TUSC3: variants seen among roughly 807,000 people sequenced by gnomAD.
TUSC3 encodes the protein tumor suppressor candidate 3, also known as dolichyl-diphosphooligosaccharide--protein glycosyltransferase subunit TUSC3.
A neutral mutation model predicts 44.8 loss-of-function variants in TUSC3; 45 were observed. The observed-to-expected ratio is 1.00, with a 90% confidence interval of 0.79 to 1.29. The LOEUF (loss-of-function observed/expected upper bound fraction) is 1.29. Ranked by LOEUF, TUSC3 falls within the 50% of genes most tolerant of loss-of-function variation. The pLI, the probability that TUSC3 is intolerant of heterozygous loss-of-function variation, is 0.00. For synonymous variants in TUSC3, 212 were observed against 152.9 expected (o/e 1.39, Z -2.85); for missense variants, 519 against 437.9 (o/e 1.19, Z -1.65).
At chr8:15,446,837 G>A (rs538910513) in intron 1 of TUSC3, among the ~76,000 whole-genome samples, 32 of 151,324 alleles carry the variant, frequency 2.1e-4, no homozygotes, top group Admixed American at 6.6e-4. Flanking sequence ...AGGAGAGGCA[G>A]AAGTTCATGT....
intron 2 of TUSC3, among the ~76,000 whole-genome samples, chr8:15,647,279 A>G (rs940479533): frequency 3.3e-5 from 5 of 152,130 alleles, no homozygotes; most frequent in African/African-American, 1.2e-4. Context: ...ATTGTTGATA[A>G]CCCCTGACCC....
chr8:15,549,144 T>G (rs574629606), intron 1 of TUSC3, among the ~76,000 whole-genome samples: 1 of 151,944 alleles, frequency 6.6e-6, no homozygotes, highest in South Asian at 2.1e-4. Flanking sequence ...CAATGTGTTT[T>G]CTATATGAAT....
chr8:15,636,343 G>GT (rs1029699827), intron 2 of TUSC3, among the ~76,000 whole-genome samples: 7 of 152,096 alleles, frequency 4.6e-5, no homozygotes, highest in African/African-American at 9.7e-5. Context: ...GATAGCTGCT[G>GT]TTTTTTTAAT....
At chr8:15,428,340 G>A (rs878941165) in intron 1 of TUSC3, among the ~76,000 whole-genome samples, 2 of 151,876 alleles carry the variant, frequency 1.3e-5, no homozygotes, top group African/African-American at 2.4e-5. Context: ...TGGTGCATAT[G>A]TGCCACATTT....
chr8:15,763,115 A>G (rs2721226), intron 10 of TUSC3, among the ~76,000 whole-genome samples: 97,656 of 151,342 alleles, frequency 0.65, 31,940 homozygotes, highest in Non-Finnish European at 0.69. Context: ...TATAATATAC[A>G]CTGTATATTA....
chr8:15,512,855 T>G (rs1167276277), intron 2 of TUSC3, among the ~76,000 whole-genome samples: 5 of 121,776 alleles, frequency 4.1e-5, no homozygotes, highest in African/African-American at 1.9e-4. Context: ...TGTGTGTGTG[T>G]GTATATATAT....
chr8:15,506,919 T>C (rs372283774), intron 2 of TUSC3, among the ~76,000 whole-genome samples: 2 of 152,190 alleles, frequency 1.3e-5, no homozygotes, highest in South Asian at 2.1e-4. Context: ...GCATTTCCTG[T>C]CTTGGTCGGC....
chr8:15,517,522 CAAAAAAAAAAAAAAAA>C (rs71211049), intron 2 of TUSC3, among the ~76,000 whole-genome samples: 17 of 77,570 alleles, frequency 2.2e-4, no homozygotes, highest in East Asian at 1.1e-3. Context: ...TAGCGTGAGG[CAAAAAAAAAAAAAAAA>C]AAAAAAAAAA....
intron 1 of TUSC3, among the ~76,000 whole-genome samples, chr8:15,417,685 C>G (rs1799676330): frequency 6.6e-6 from 1 of 152,300 alleles, no homozygotes; most frequent in South Asian, 2.1e-4. Context: ...ATGCTGAGCA[C>G]TCATCACTGG....
At chr8:15,428,336 A>C (rs1483885097) in intron 1 of TUSC3, among the ~76,000 whole-genome samples, 1 of 151,886 alleles carries the variant, frequency 6.6e-6, no homozygotes. Context: ...TCCATGGTGC[A>C]TATGTGCCAC....
chr8:15,565,323 A>G (rs936172495), intron 1 of TUSC3, among the ~76,000 whole-genome samples: 1 of 152,048 alleles, frequency 6.6e-6, no homozygotes, highest in African/African-American at 2.4e-5. Flanking sequence ...ACTATTTTGG[A>G]TCTACCTGGC....
intron 1 of TUSC3, among the ~76,000 whole-genome samples, chr8:15,596,333 G>GAGT (rs1804064436): frequency 1.3e-5 from 2 of 152,194 alleles, no homozygotes; most frequent in South Asian, 4.1e-4. Context: ...TGCCGTGTAA[G>GAGT]AGTAGTACAG....
the TUSC3 span, among the ~76,000 whole-genome samples, chr8:15,819,941 T>C: frequency 6.6e-6 from 1 of 152,210 alleles, no homozygotes; most frequent in African/African-American, 2.4e-5. Context: ...TGGTCTAATC[T>C]CAGGCATATC....
chr8:15,431,361 C>T (rs1799871892), intron 1 of TUSC3, among the ~76,000 whole-genome samples: 5 of 151,532 alleles, frequency 3.3e-5, no homozygotes, highest in Non-Finnish European at 5.9e-5. Context: ...TTTATTTGAT[C>T]ATTGTTCTTT....
chr8:15,828,773 A>G, the TUSC3 span, among the ~76,000 whole-genome samples: 1 of 152,228 alleles, frequency 6.6e-6, no homozygotes, highest in Non-Finnish European at 1.5e-5. Context: ...GGTGGAATCC[A>G]TGCTATAAGC....
intron 6 of TUSC3, among the ~76,000 whole-genome samples, chr8:15,677,538 GTTC>G (rs1263482027): frequency 2.6e-5 from 4 of 152,258 alleles, no homozygotes; most frequent in East Asian, 1.9e-4. Context: ...TATTCTCTCT[GTTC>G]TTCTTCTGTA....
intron 1 of TUSC3, among the ~76,000 whole-genome samples, chr8:15,603,894 CAT>C (rs1265486225): frequency 1.3e-5 from 2 of 151,358 alleles, no homozygotes; most frequent in African/African-American, 2.4e-5. Flanking sequence ...GAGTTAGAAT[CAT>C]AGAACTTACA....
the TUSC3 span, among the ~76,000 whole-genome samples, chr8:15,848,109 T>A: frequency 0.074 from 11,323 of 152,144 alleles, 681 homozygotes; most frequent in East Asian, 0.2. Context: ...ACTGGCCTAT[T>A]AGACTGTCCC....
intron 2 of TUSC3, among the ~76,000 whole-genome samples, chr8:15,498,638 A>C (rs965377048): frequency 4.6e-5 from 7 of 152,148 alleles, no homozygotes; most frequent in Non-Finnish European, 7.3e-5. Flanking sequence ...TATGTTTTAG[A>C]TTTTCCCCTC....
Sources: allele counts gnomAD v4.1 joint callset (sites outside exome capture counted in the v4.1 genomes callset), GRCh38; gene constraint gnomAD v4.1.1; transcripts MANE v1.5; gene names NCBI Gene and HGNC (gene_info 2026-07-23, HGNC 2026-07-21).